FHIT: variants seen among roughly 807,000 people sequenced by gnomAD.
FHIT encodes fragile histidine triad diadenosine triphosphatase.
In FHIT, 19 loss-of-function variants were observed where a neutral mutation model predicts 17.9. The observed-to-expected ratio is 1.06, with a 90% CI of 0.74 to 1.56. The LOEUF (loss-of-function observed/expected upper bound fraction) is 1.56, where lower values mean the gene tolerates loss of function less well. Among genes scored for constraint, FHIT ranks in the 40% most tolerant of loss-of-function variants. FHIT has a pLI of 0.00. For synonymous variants in FHIT, 81 were observed against 69.7 expected (o/e 1.16, Z -0.81); for missense variants, 248 against 189.2 (o/e 1.31, Z -1.82).
rs567234965 is a variant in FHIT at position 60,415,870 on chromosome 3, T to C, written c.103+120990A>G. Among the ~76,000 whole-genome samples, 3 of 67,318 alleles carry C rather than the reference T, an allele frequency of 4.5e-5. No individual in the cohort carries two copies. In the South Asian group the frequency reaches 1.6e-3, roughly 36 times the overall value. 44.2% of individuals were successfully genotyped at this position (67,318 alleles called of 152,430 possible). A position where few individuals can be genotyped will look rare whatever the true frequency, so the allele number is the denominator to read the frequency against. ...GATTTTTATATAAGATATTATTATA[T>C]AATACTATTATATATTATTATTACA... On this transcript the variant is annotated intron_variant, in intron 5 of 9. Coordinates refer to ENST00000492590, the MANE Select transcript of FHIT (RefSeq NM_002012.4).
At chr3:60,845,697 G>A (rs1553746254) in intron 3 of FHIT, among the ~76,000 whole-genome samples, 3 of 152,074 alleles carry the variant, frequency 2.0e-5, no homozygotes, top group Non-Finnish European at 1.5e-5. Flanking sequence ...ACCTTTACAT[G>A]TCATAAACAC....
chr3:61,093,221 TA>T (rs2035540052), intron 2 of FHIT, among the ~76,000 whole-genome samples: 1 of 152,118 alleles, frequency 6.6e-6, no homozygotes, highest in Non-Finnish European at 1.5e-5. Flanking sequence ...CACACAACGA[TA>T]AACGTTTATA....
At chr3:60,063,392 T>C (rs1254127436) in intron 5 of FHIT, among the ~76,000 whole-genome samples, 1 of 152,188 alleles carries the variant, frequency 6.6e-6, no homozygotes, top group Non-Finnish European at 1.5e-5. Context: ...TATGGAGATT[T>C]CTTTAACTAG....
At chr3:59,948,425 G>C (rs1350261179) in intron 7 of FHIT, among the ~76,000 whole-genome samples, 2 of 151,804 alleles carry the variant, frequency 1.3e-5, no homozygotes, top group Non-Finnish European at 2.9e-5. Context: ...GCTGAGTCAG[G>C]AGAATTGCTT....
chr3:59,923,510 C>CAT (rs1367911018), intron 7 of FHIT, among the ~76,000 whole-genome samples: 1 of 152,138 alleles, frequency 6.6e-6, no homozygotes, highest in African/African-American at 2.4e-5. Flanking sequence ...GGGCTCAGAG[C>CAT]ATATCTAATT....
At chr3:60,890,320 G>T (rs1216559686) in intron 3 of FHIT, among the ~76,000 whole-genome samples, 2 of 150,826 alleles carry the variant, frequency 1.3e-5, no homozygotes, top group Non-Finnish European at 2.9e-5. Flanking sequence ...CCAATGCACA[G>T]ATACGAGTGA....
intron 7 of FHIT, among the ~76,000 whole-genome samples, chr3:59,929,700 T>C (rs754261259): frequency 2.0e-5 from 3 of 152,130 alleles, no homozygotes; most frequent in Non-Finnish European, 4.4e-5. Flanking sequence ...AACAATAAGA[T>C]TGTTTCCATT....
chr3:60,726,464 T>C (rs1191606053), intron 4 of FHIT, among the ~76,000 whole-genome samples: 4 of 152,160 alleles, frequency 2.6e-5, no homozygotes, highest in Non-Finnish European at 4.4e-5. Flanking sequence ...ACTAAAACTA[T>C]AGAGCAACTT....
chr3:60,713,184 A>G (rs1213494213), intron 4 of FHIT, among the ~76,000 whole-genome samples: 3 of 152,068 alleles, frequency 2.0e-5, no homozygotes, highest in Non-Finnish European at 4.4e-5. Flanking sequence ...ACTACTGGGT[A>G]CATAATGAAA....
chr3:60,574,492 A>G (rs2037498869), intron 4 of FHIT, among the ~76,000 whole-genome samples: 1 of 151,814 alleles, frequency 6.6e-6, no homozygotes, highest in Non-Finnish European at 1.5e-5. Flanking sequence ...GGCAGGCACT[A>G]CGAGCTTAGA....
At chr3:59,772,058 G>T (rs929329469) in intron 8 of FHIT, among the ~76,000 whole-genome samples, 1 of 152,162 alleles carries the variant, frequency 6.6e-6, no homozygotes, top group African/African-American at 2.4e-5. Flanking sequence ...GCACAACCTT[G>T]ACCAGGACAG....
intron 4 of FHIT, among the ~76,000 whole-genome samples, chr3:60,737,358 G>A (rs1197578254): frequency 6.6e-6 from 1 of 152,186 alleles, no homozygotes; most frequent in African/African-American, 2.4e-5. Context: ...ATATTATAAA[G>A]CCTTAATTAA....
chr3:60,527,955 C>G (rs1401851738), intron 5 of FHIT, among the ~76,000 whole-genome samples: 1 of 152,186 alleles, frequency 6.6e-6, no homozygotes, highest in Non-Finnish European at 1.5e-5. Context: ...CCATTCAAAC[C>G]ACTCATAGGC....
intron 5 of FHIT, among the ~76,000 whole-genome samples, chr3:60,394,134 A>C (rs1195517432): frequency 6.6e-6 from 1 of 152,160 alleles, no homozygotes; most frequent in East Asian, 1.9e-4. Flanking sequence ...TAAAACACTG[A>C]ATGTACTGGT....
intron 2 of FHIT, among the ~76,000 whole-genome samples, chr3:61,085,041 A>T (rs974909422): frequency 1.3e-5 from 2 of 152,128 alleles, no homozygotes; most frequent in Admixed American, 1.3e-4. Flanking sequence ...ATTATTGCTT[A>T]CCCATTTACC....
chr3:59,861,705 G>A (rs372743213), intron 8 of FHIT, among the ~76,000 whole-genome samples: 65 of 152,080 alleles, frequency 4.3e-4, no homozygotes, highest in African/African-American at 9.4e-4. Flanking sequence ...TCCAAATAGC[G>A]CCACATGAAT....
At chr3:60,370,088 T>G (rs1342729891) in intron 5 of FHIT, among the ~76,000 whole-genome samples, 1 of 152,228 alleles carries the variant, frequency 6.6e-6, no homozygotes, top group African/African-American at 2.4e-5. Context: ...GCTTTGAATC[T>G]CAATTCCTCA....
At chr3:60,375,408 TAA>T (rs144193166) in intron 5 of FHIT, among the ~76,000 whole-genome samples, 18,179 of 142,788 alleles carry the variant, frequency 0.13, 1,681 homozygotes, top group East Asian at 0.26. Context: ...ATCTCTACTT[TAA>T]AAAAAAAAAA....
intron 4 of FHIT, among the ~76,000 whole-genome samples, chr3:60,744,046 G>T (rs1019118127): frequency 3.9e-5 from 6 of 151,994 alleles, no homozygotes; most frequent in Non-Finnish European, 5.9e-5. Flanking sequence ...AGAACCCAAG[G>T]AAGGGGGGCT....
Sources: gnomAD v4.1 joint callset for allele counts (sites outside exome capture counted in the v4.1 genomes callset) on GRCh38, gnomAD v4.1.1 for gene constraint, MANE v1.5 for transcripts, NCBI Gene and HGNC (gene_info 2026-07-23, HGNC 2026-07-21) for gene names.